The following CDON variants were observed in gnomAD, a reference collection of about 807,000 sequenced individuals.
CDON encodes cell adhesion associated, oncogene regulated, also known as cell adhesion molecule-related/down-regulated by oncogenes.
Under a neutral mutation model 120.9 loss-of-function variants are expected in CDON, and 73 were observed. That is an observed-to-expected ratio of 0.60 (90% CI 0.50 to 0.73). The LOEUF (loss-of-function observed/expected upper bound fraction) is 0.73. Ranked by LOEUF, CDON falls within the 30% of genes least tolerant of loss-of-function variation. The pLI is 0.00. For synonymous variants in CDON, 566 were observed against 573.5 expected (o/e 0.99, Z 0.19); for missense variants, 1,470 against 1,587.3 (o/e 0.93, Z 1.26).
intron 2 of CDON, among the ~76,000 whole-genome samples, chr11:126,023,171 G>A (rs1947687020): frequency 6.6e-6 from 1 of 151,758 alleles, no homozygotes; most frequent in Non-Finnish European, 1.5e-5. Context: ...AAAATGAAAG[G>A]GATAAATTAT....
chr11:126,015,943 G>C (rs2134663129), intron 6 of CDON, among the ~76,000 whole-genome samples: 1 of 152,270 alleles, frequency 6.6e-6, no homozygotes, highest in Non-Finnish European at 1.5e-5. Context: ...TCAACTTTGA[G>C]GTTAGATGTA....
At chr11:126,012,706 G>T (rs1194704343) in intron 7 of CDON, among the ~76,000 whole-genome samples, 1 of 151,986 alleles carries the variant, frequency 6.6e-6, no homozygotes, top group African/African-American at 2.4e-5. Flanking sequence ...ACCGCACCTG[G>T]CCAAGGCAAC....
In CDON at chr11:125,983,995, G is replaced by T; in HGVS notation, c.2872C>A (p.Pro958Thr). The T allele has an allele frequency of 6.2e-7, 1 of 1,614,040 alleles. No homozygotes were observed. The highest frequency in any genetic ancestry group is 1.1e-5 in the South Asian group (1 of 91,066). ...TATAACATGTCACTGCTTCTGGCAG[G>T]GCTGGTTGCAGGCCCCACATTTCCT... Reference protein sequence around the residue: ...SGGNVGPATSPARSSDMLYLI... With the variant: ...SGGNVGPATSTARSSDMLYLI... The change falls in exon 16 of 20, where the codon CCT becomes ACT. Residue 958 changes from proline (P) to threonine (T), a missense_variant. Pro to Thr is a conservative substitution (Grantham distance 38). Coordinates refer to ENST00000531738, the MANE Select transcript of CDON (RefSeq NM_001378964.1).
chr11:126,062,241 T>C (rs1055184491), intron 1 of CDON, among the ~76,000 whole-genome samples: 3 of 152,066 alleles, frequency 2.0e-5, no homozygotes, highest in Non-Finnish European at 4.4e-5. Flanking sequence ...CCGGCTCCCT[T>C]GGGAAAACGC....
chr11:125,985,603 A>G (rs1480036193), intron 15 of CDON, among the ~76,000 whole-genome samples: 2 of 152,202 alleles, frequency 1.3e-5, no homozygotes. Flanking sequence ...TGGTCAATCA[A>G]TTCTGCTGTT....
chr11:126,028,086 G>A (rs542718365), intron 1 of CDON, among the ~76,000 whole-genome samples: 27 of 147,982 alleles, frequency 1.8e-4, no homozygotes, highest in Non-Finnish European at 3.1e-4. Flanking sequence ...AGTTTTCTTC[G>A]CATATTTTAT....
Position 125,958,546 on chromosome 11 carries a change from A to ATT in CDON, c.*2394_*2395dup, listed in dbSNP as rs1481284030. 29 of 99,430 alleles carry ATT rather than the reference A, an allele frequency of 2.9e-4. No individual in the cohort carries two copies. Among genetic ancestry groups the ATT allele is most frequent in the African/African-American group, 9.4e-4 (26 of 27,798 alleles). 6.2% of individuals were successfully genotyped at this position (99,430 alleles called of 1,614,324 possible). A position where few individuals can be genotyped will look rare whatever the true frequency, so the allele number is the denominator to read the frequency against. On this transcript the variant is annotated 3_prime_UTR_variant, in exon 20 of 20. Transcript: ENST00000531738. ...CTCATACCGCCTAAATATAAAGGCA[A>ATT]TTATATATATATATATATATGTGTG...
At chr11:126,021,543 T>A in intron 2 of CDON, 23 bp from the exon 3 acceptor site, 1 of 1,610,328 alleles carries the variant, frequency 6.2e-7, no homozygotes, top group South Asian at 1.1e-5. Flanking sequence ...ATTCCCCATA[T>A]GCAAAGAAAG....
chr11:126,050,016 C>T (rs897463941), intron 1 of CDON, among the ~76,000 whole-genome samples: 1 of 151,868 alleles, frequency 6.6e-6, no homozygotes, highest in South Asian at 2.1e-4. Flanking sequence ...TAAAGAAAAG[C>T]GTTAAAAAGC....
chr11:126,050,650 G>T (rs1243041096), intron 1 of CDON, among the ~76,000 whole-genome samples: 1 of 152,010 alleles, frequency 6.6e-6, no homozygotes, highest in Non-Finnish European at 1.5e-5. Context: ...AGAATAAAAA[G>T]AACCACAAAA....
chr11:126,043,236 C>G (rs532194556), intron 1 of CDON, among the ~76,000 whole-genome samples: 26 of 152,092 alleles, frequency 1.7e-4, no homozygotes, highest in Non-Finnish European at 2.8e-4. Flanking sequence ...CTGGTTGGCT[C>G]CTTCCTGCAA....
chr11:126,028,405 C>G (rs1347634841), intron 1 of CDON, among the ~76,000 whole-genome samples: 3 of 149,344 alleles, frequency 2.0e-5, no homozygotes, highest in African/African-American at 7.7e-5. Flanking sequence ...TTGCTGTCAC[C>G]CAGGCTGGAG....
chr11:126,047,925 T>C (rs917363204), intron 1 of CDON, among the ~76,000 whole-genome samples: 2 of 152,194 alleles, frequency 1.3e-5, no homozygotes, highest in Admixed American at 6.5e-5. Flanking sequence ...TGGATGTCTT[T>C]CAATCCCATA....
In CDON at chr11:125,957,069, CAT is replaced by C. The variant is rs1238556389; in HGVS notation, c.*3871_*3872del. On this transcript the variant is annotated 3_prime_UTR_variant, in exon 20 of 20. Transcript: ENST00000531738. ...AAATTTCTATCCTGAAGTTCATAAA[CAT>C]GTGGCGCTCGGTTAATGGTAAAAAT... 6.3e-6 allele frequency: 1 copy of C among 158,158 alleles called. No individual in the cohort carries two copies. Among genetic ancestry groups the C allele is most frequent in the African/African-American group, 2.4e-5 (1 of 41,538 alleles). 9.8% of individuals were successfully genotyped at this position (158,158 alleles called of 1,614,324 possible). A position where few individuals can be genotyped will look rare whatever the true frequency, so the allele number is the denominator to read the frequency against.
intron 18 of CDON, among the ~76,000 whole-genome samples, chr11:125,977,056 C>T (rs959572963): frequency 1.3e-5 from 2 of 152,154 alleles, no homozygotes; most frequent in African/African-American, 4.8e-5. Context: ...TCTGATTACT[C>T]GCCAGGTACA....
chr11:125,969,928 T>C (rs1945916417), intron 18 of CDON, among the ~76,000 whole-genome samples: 1 of 152,232 alleles, frequency 6.6e-6, no homozygotes, highest in South Asian at 2.1e-4. Context: ...ACAGCACCTC[T>C]GAAATATTTT....
chr11:126,003,547 A>G (rs1947019529), intron 10 of CDON, among the ~76,000 whole-genome samples: 2 of 152,204 alleles, frequency 1.3e-5, no homozygotes, highest in South Asian at 2.1e-4. Context: ...CTGGTTGGGC[A>G]CAGTGGCTCA....
intron 18 of CDON, among the ~76,000 whole-genome samples, chr11:125,974,020 G>C (rs7951209): frequency 0.37 from 56,558 of 151,416 alleles, 10,661 homozygotes; most frequent in Admixed American, 0.43. Flanking sequence ...TTCATCCTCC[G>C]GTGTAGCTGG....
chr11:126,051,660 T>C (rs1205190938), intron 1 of CDON, among the ~76,000 whole-genome samples: 1 of 151,230 alleles, frequency 6.6e-6, no homozygotes, highest in Non-Finnish European at 1.5e-5. Flanking sequence ...TTCTTTTTTT[T>C]TTTTTTTCCA....
Sources: allele counts gnomAD v4.1 joint callset (sites outside exome capture counted in the v4.1 genomes callset), GRCh38; gene constraint gnomAD v4.1.1; transcripts MANE v1.5; gene names NCBI Gene and HGNC (gene_info 2026-07-23, HGNC 2026-07-21).